The following IGF2BP2 variants were observed in gnomAD, a reference collection of about 807,000 sequenced individuals.
The protein encoded by IGF2BP2 is insulin like growth factor 2 mRNA binding protein 2, also known as insulin-like growth factor 2 mRNA-binding protein 2.
A neutral mutation model predicts 75.8 loss-of-function variants in IGF2BP2; 17 were observed. The observed-to-expected ratio is 0.22, with a 90% CI of 0.15 to 0.34. The LOEUF is 0.34. Ranked by LOEUF, IGF2BP2 falls within the 10% of genes least tolerant of loss-of-function variation. The pLI is 1.00. For synonymous variants in IGF2BP2, 288 were observed against 295.6 expected, an observed-to-expected ratio of 0.97 and a Z score of 0.26; for missense variants, 516 against 772.4, an observed-to-expected ratio of 0.67 and a Z score of 3.93.
chr3:185,820,257 C>G (rs1225074706), intron 2 of IGF2BP2, among the ~76,000 whole-genome samples: 1 of 117,526 alleles, frequency 8.5e-6, no homozygotes, highest in Non-Finnish European at 1.8e-5. Flanking sequence ...CACACACACA[C>G]ACACACACAC....
intron 2 of IGF2BP2, among the ~76,000 whole-genome samples, chr3:185,800,810 G>T (rs561032095): frequency 1.3e-5 from 2 of 152,262 alleles, no homozygotes; most frequent in Non-Finnish European, 1.5e-5. Context: ...CATGTGCAAA[G>T]ATTTCATGAC....
intron 7 of IGF2BP2, among the ~76,000 whole-genome samples, chr3:185,678,859 CT>C (rs1214920756): frequency 1.2e-4 from 18 of 152,106 alleles, no homozygotes; most frequent in Admixed American, 6.6e-5. Flanking sequence ...TGAATTGTTC[CT>C]TTAACATTGT....
chr3:185,745,307 G>A (rs1560399402), intron 2 of IGF2BP2, among the ~76,000 whole-genome samples: 1 of 152,190 alleles, frequency 6.6e-6, no homozygotes, highest in Non-Finnish European at 1.5e-5. Flanking sequence ...AGATGAAGGG[G>A]TACCAGTGCT....
intron 7 of IGF2BP2, among the ~76,000 whole-genome samples, chr3:185,684,687 G>GT (rs1720869266): frequency 6.6e-6 from 1 of 152,174 alleles, no homozygotes; most frequent in Admixed American, 6.5e-5. Context: ...GATTACAGGC[G>GT]TGAGTCACCA....
At position 185,692,726 on chromosome 3, in the gene IGF2BP2, G is replaced by A. The variant is rs1333193631; in HGVS notation, c.377C>T (p.Thr126Ile). Residue 126 changes from threonine to isoleucine, a missense_variant, in exon 5 of 16, where the codon ACA becomes ATA. Thr to Ile is a moderately conservative substitution (Grantham distance 89). Transcript: ENST00000382199. ...TDTETAVVNV[T>I]YATREEAKIA... is the part of the protein sequence containing the mutation. Reference sequence around the variant, plus strand: ...TTTTGCTTCTTCTCTTGTTGCATATGTGACGTTGACAACGGCGGTTTCTGT... The same window carrying A: ...TTTTGCTTCTTCTCTTGTTGCATATATGACGTTGACAACGGCGGTTTCTGT... 4 of 1,613,860 alleles carry A rather than the reference G, an allele frequency of 2.5e-6. No individual in the cohort carries two copies.
At chr3:185,762,293 C>T (rs1732473337) in intron 2 of IGF2BP2, among the ~76,000 whole-genome samples, 1 of 149,622 alleles carries the variant, frequency 6.7e-6, no homozygotes, top group Non-Finnish European at 1.5e-5. Flanking sequence ...TTCCGGAGGC[C>T]AAGACAAGTG....
At chr3:185,736,088 G>T (rs184327690) in intron 2 of IGF2BP2, among the ~76,000 whole-genome samples, 147 of 152,284 alleles carry the variant, frequency 9.7e-4, no homozygotes, top group South Asian at 3.9e-3. Context: ...GCCCCAAGGG[G>T]TCCCCCAGAT....
At chr3:185,666,000 A>G (rs1015548813) in intron 10 of IGF2BP2, among the ~76,000 whole-genome samples, 3 of 128,686 alleles carry the variant, frequency 2.3e-5, no homozygotes, top group African/African-American at 8.6e-5. Context: ...GTAGATAGGT[A>G]CATAGATAGA....
intron 7 of IGF2BP2, among the ~76,000 whole-genome samples, chr3:185,686,670 G>A (rs1016193582): frequency 6.6e-6 from 1 of 152,044 alleles, no homozygotes; most frequent in African/African-American, 2.4e-5. Flanking sequence ...AAAACACTCA[G>A]TTCTTCCACT....
At chr3:185,696,378 CA>C (rs1384707120) in intron 4 of IGF2BP2, 8 of 531,808 alleles carry the variant, frequency 1.5e-5, no homozygotes, top group South Asian at 8.2e-5. Flanking sequence ...ATATGAGAAA[CA>C]GCTTGTAAAT....
intron 2 of IGF2BP2, among the ~76,000 whole-genome samples, chr3:185,800,376 C>T (rs1454928595): frequency 1.3e-5 from 2 of 151,872 alleles, no homozygotes; most frequent in African/African-American, 2.4e-5. Flanking sequence ...CATGTATACC[C>T]ATGTAACAAA....
At chr3:185,823,771 GGGCCGGGGTTCGGGGGGCGCC>G (rs1370592427) in intron 1 of IGF2BP2, among the ~76,000 whole-genome samples, 1 of 151,872 alleles carries the variant, frequency 6.6e-6, no homozygotes, top group Admixed American at 6.6e-5. Context: ...GGCTCCCGCC[GGGCCGGGGTTCGGGGGGCGCC>G]GGCCGGGGCC....
chr3:185,692,910 G>A, intron 4 of IGF2BP2, 148 bp from the exon 5 acceptor site: 2 of 652,162 alleles, frequency 3.1e-6, no homozygotes, highest in Non-Finnish European at 5.5e-6. Flanking sequence ...TTATTCATCT[G>A]AGTTCACAGT....
intron 2 of IGF2BP2, among the ~76,000 whole-genome samples, chr3:185,820,490 T>C (rs1337685124): frequency 6.6e-6 from 1 of 152,100 alleles, no homozygotes; most frequent in Non-Finnish European, 1.5e-5. Context: ...ATAAATGCTT[T>C]ATGTGCGGTT....
At chr3:185,696,386 AAAT>A in intron 4 of IGF2BP2, 2 of 539,514 alleles carry the variant, frequency 3.7e-6, no homozygotes, top group Non-Finnish European at 6.6e-6. Flanking sequence ...AACAGCTTGT[AAAT>A]AATATTCCTC....
chr3:185,789,399 A>G (rs1466655502), intron 2 of IGF2BP2, among the ~76,000 whole-genome samples: 1 of 152,126 alleles, frequency 6.6e-6, no homozygotes, highest in African/African-American at 2.4e-5. Context: ...GGATTTGTCA[A>G]ACTTAAGCTG....
intron 2 of IGF2BP2, among the ~76,000 whole-genome samples, chr3:185,819,193 A>T (rs1741011746): frequency 1.3e-5 from 2 of 152,156 alleles, no homozygotes; most frequent in South Asian, 4.1e-4. Context: ...AAGTATAAGG[A>T]AACACATGAA....
intron 2 of IGF2BP2, among the ~76,000 whole-genome samples, chr3:185,800,577 A>G (rs1359074953): frequency 6.6e-6 from 1 of 152,134 alleles, no homozygotes; most frequent in African/African-American, 2.4e-5. Context: ...TCTTTACCAA[A>G]AATACAAAAC....
intron 7 of IGF2BP2, among the ~76,000 whole-genome samples, chr3:185,686,581 A>G (rs780337291): frequency 6.6e-6 from 1 of 152,194 alleles, no homozygotes; most frequent in Non-Finnish European, 1.5e-5. Context: ...TTTGGTGACA[A>G]CATACTTTCT....
Sources: gnomAD v4.1 joint callset for allele counts (sites outside exome capture counted in the v4.1 genomes callset) on GRCh38, gnomAD v4.1.1 for gene constraint, MANE v1.5 for transcripts, NCBI Gene and HGNC (gene_info 2026-07-23, HGNC 2026-07-21) for gene names.